The following ADK variants were observed in gnomAD, a reference collection of about 807,000 sequenced individuals.
The protein encoded by ADK is N6,N6-dimethyladenosine kinase.
Under a neutral mutation model 44.7 loss-of-function variants are expected in ADK, and 24 were observed. That is an observed-to-expected ratio of 0.54 (90% CI 0.39 to 0.76). The LOEUF (loss-of-function observed/expected upper bound fraction) is 0.76. Ranked by LOEUF, ADK falls within the 30% of genes least tolerant of loss-of-function variation. The probability of loss-of-function intolerance (pLI) is 0.00; values close to 1 mark genes in which losing one functional copy is unlikely to be tolerated. For missense variants in ADK, 321 were observed against 425.1 expected (o/e 0.76, Z 2.15); for synonymous variants, 128 against 142.6 (o/e 0.90, Z 0.73).
At chr10:74,168,413 G>A (rs905066149) in intron 1 of ADK, among the ~76,000 whole-genome samples, 12 of 151,132 alleles carry the variant, frequency 7.9e-5, no homozygotes, top group African/African-American at 2.7e-4. Flanking sequence ...GGTGGCATGC[G>A]CTGTAGTTCC....
At chr10:74,680,276 C>A (rs985444252) in intron 10 of ADK, among the ~76,000 whole-genome samples, 25 of 150,070 alleles carry the variant, frequency 1.7e-4, no homozygotes, top group African/African-American at 6.2e-4. Flanking sequence ...GATCGCACCA[C>A]TGCACTCCAG....
At chr10:74,582,078 G>A (rs927694479) in intron 7 of ADK, among the ~76,000 whole-genome samples, 1 of 152,108 alleles carries the variant, frequency 6.6e-6, no homozygotes, top group African/African-American at 2.4e-5. Context: ...TTCATTGAAT[G>A]TCTTCTTTAT....
At chr10:74,432,541 A>G (rs529740721) in intron 6 of ADK, among the ~76,000 whole-genome samples, 7 of 152,178 alleles carry the variant, frequency 4.6e-5, no homozygotes, top group African/African-American at 1.7e-4. Flanking sequence ...GCTGAAGTGA[A>G]CCCTTCTTTA....
intron 7 of ADK, among the ~76,000 whole-genome samples, chr10:74,558,070 C>T (rs186620742): frequency 2.9e-4 from 44 of 152,208 alleles, no homozygotes; most frequent in African/African-American, 9.6e-4. Context: ...TGATAGCCCA[C>T]AGGTGTGACT....
At chr10:74,476,665 A>T (rs555650046) in intron 6 of ADK, among the ~76,000 whole-genome samples, 65 of 152,274 alleles carry the variant, frequency 4.3e-4, no homozygotes, top group African/African-American at 1.5e-3. Flanking sequence ...TTTATTTCAT[A>T]CATATTTAAT....
chr10:74,260,387 A>T (rs1218866600), intron 3 of ADK, among the ~76,000 whole-genome samples: 1 of 152,202 alleles, frequency 6.6e-6, no homozygotes, highest in Non-Finnish European at 1.5e-5. Context: ...CTCCTGCCTC[A>T]GCTTCCTGTG....
At chr10:74,206,639 T>C (rs1469173415) in intron 2 of ADK, among the ~76,000 whole-genome samples, 3 of 152,196 alleles carry the variant, frequency 2.0e-5, no homozygotes, top group Non-Finnish European at 2.9e-5. Flanking sequence ...ATATAATCAG[T>C]GTTGTTATTT....
intron 6 of ADK, among the ~76,000 whole-genome samples, chr10:74,439,099 A>C (rs1333297722): frequency 6.6e-6 from 1 of 152,202 alleles, no homozygotes; most frequent in Admixed American, 6.5e-5. Flanking sequence ...AAAAGGTGAG[A>C]AAGTTATTAC....
intron 3 of ADK, among the ~76,000 whole-genome samples, chr10:74,240,858 C>G (rs761953861): frequency 6.6e-6 from 1 of 152,106 alleles, no homozygotes; most frequent in Non-Finnish European, 1.5e-5. Flanking sequence ...ACCTTTAAAA[C>G]CCATTGTCAG....
In ADK at chr10:74,397,677, A is replaced by G. The variant is rs186603696; in HGVS notation, c.447-794A>G. On this transcript the variant is annotated intron_variant, in intron 5 of 10. Transcript: ENST00000539909. ...CTCAGCTTCCTGAGTCCCTAGGACT[A>G]TAAGTGTGCACCACTACCCCCAGCT... Among the ~76,000 whole-genome samples the G allele has an allele frequency of 1.1e-4, 17 of 152,170 alleles. No individual in the cohort carries two copies. The East Asian group carries it at 1.7e-3, about 16-fold the overall frequency.
At chr10:74,557,453 T>C (rs1019606678) in intron 7 of ADK, among the ~76,000 whole-genome samples, 1 of 152,206 alleles carries the variant, frequency 6.6e-6, no homozygotes, top group Non-Finnish European at 1.5e-5. Context: ...GTTATTTCTT[T>C]TTTCTAGGTC....
intron 6 of ADK, among the ~76,000 whole-genome samples, chr10:74,472,748 T>G (rs9664463): frequency 0.61 from 92,136 of 151,572 alleles, 30,347 homozygotes; most frequent in Middle Eastern, 0.77. Context: ...GCTACCATAT[T>G]GGATAGTGAA....
chr10:74,304,500 C>T (rs1032171847), intron 3 of ADK, among the ~76,000 whole-genome samples: 34 of 151,968 alleles, frequency 2.2e-4, no homozygotes, highest in Admixed American at 1.6e-3. Flanking sequence ...CTGTGTTAAT[C>T]GAAAATTTAT....
At chr10:74,182,415 C>G (rs973615766) in intron 1 of ADK, among the ~76,000 whole-genome samples, 42 of 150,442 alleles carry the variant, frequency 2.8e-4, no homozygotes, top group African/African-American at 1.0e-3. Flanking sequence ...ATTGCCCAGG[C>G]TGGAGTGCAA....
chr10:74,571,256 T>A (rs1179489808), intron 7 of ADK, among the ~76,000 whole-genome samples: 1 of 152,230 alleles, frequency 6.6e-6, no homozygotes. Context: ...TCTCTTTTTT[T>A]GTTGTGTCTC....
intron 6 of ADK, chr10:74,508,237 AG>A (rs1848158718): frequency 6.6e-6 from 1 of 152,170 alleles, no homozygotes; most frequent in East Asian, 1.9e-4. Flanking sequence ...GAAAGGAGGC[AG>A]GGATAGCTTT....
At chr10:74,615,651 G>C (rs1205164413) in intron 9 of ADK, among the ~76,000 whole-genome samples, 1 of 152,086 alleles carries the variant, frequency 6.6e-6, no homozygotes, top group Admixed American at 6.6e-5. Context: ...CTGATGTGTA[G>C]TGAGATGGAG....
intron 4 of ADK, among the ~76,000 whole-genome samples, chr10:74,368,440 A>G (rs538392668): frequency 6.6e-6 from 1 of 150,782 alleles, no homozygotes; most frequent in South Asian, 2.1e-4. Flanking sequence ...TTTTTTTTTT[A>G]ACTTAATGTT....
At chr10:74,285,025 G>A (rs1294916832) in intron 3 of ADK, among the ~76,000 whole-genome samples, 1 of 152,188 alleles carries the variant, frequency 6.6e-6, no homozygotes, top group Non-Finnish European at 1.5e-5. Flanking sequence ...TTTTTTAAGT[G>A]CTAGGCACTT....
Sources: gnomAD v4.1 joint callset for allele counts (sites outside exome capture counted in the v4.1 genomes callset) on GRCh38, gnomAD v4.1.1 for gene constraint, MANE v1.5 for transcripts, NCBI Gene and HGNC (gene_info 2026-07-23, HGNC 2026-07-21) for gene names.